Variants in SLC24A2 observed in about 807,000 individuals in gnomAD.
SLC24A2 encodes sodium/potassium/calcium exchanger 2.
Under a neutral mutation model 62.0 loss-of-function variants are expected in SLC24A2, and 36 were observed. The observed-to-expected ratio is 0.58, with a 90% CI of 0.44 to 0.77. SLC24A2 has a LOEUF of 0.77. Ranked by LOEUF, SLC24A2 falls within the 30% of genes least tolerant of loss-of-function variation. SLC24A2 has a pLI of 0.00. For synonymous variants in SLC24A2, 358 were observed against 294.0 expected (o/e 1.22, Z -2.23); for missense variants, 846 against 817.9 (o/e 1.03, Z -0.42).
chr9:19,999,638 T>G, the SLC24A2 span, among the ~76,000 whole-genome samples: 1 of 152,178 alleles, frequency 6.6e-6, no homozygotes, highest in Admixed American at 6.5e-5. Context: ...TCTAAATAGA[T>G]TTGTGTGACA....
At chr9:19,821,486 G>A in the SLC24A2 span, among the ~76,000 whole-genome samples, 7 of 152,026 alleles carry the variant, frequency 4.6e-5, no homozygotes, top group South Asian at 1.2e-3. Flanking sequence ...AGATACAAAC[G>A]AGAACAGGAC....
the SLC24A2 span, among the ~76,000 whole-genome samples, chr9:20,219,060 T>C: frequency 6.6e-6 from 1 of 152,222 alleles, no homozygotes; most frequent in Non-Finnish European, 1.5e-5. Flanking sequence ...TGTCATTGTA[T>C]GTGAGGGTGA....
chr9:19,729,925 A>T (rs1821286258), intron 2 of SLC24A2, among the ~76,000 whole-genome samples: 1 of 152,174 alleles, frequency 6.6e-6, no homozygotes, highest in African/African-American at 2.4e-5. Context: ...TATGTTAATT[A>T]CCCTGATCTG....
chr9:19,908,597 G>A, the SLC24A2 span, among the ~76,000 whole-genome samples: 2 of 152,198 alleles, frequency 1.3e-5, no homozygotes, highest in African/African-American at 2.4e-5. Flanking sequence ...CTGACAAAGG[G>A]CTAATATCCA....
At chr9:19,837,638 G>T in the SLC24A2 span, among the ~76,000 whole-genome samples, 8 of 152,204 alleles carry the variant, frequency 5.3e-5, no homozygotes, top group East Asian at 1.5e-3. Context: ...GTCCCTGTTT[G>T]CAGATGACAT....
chr9:20,267,792 T>G, the SLC24A2 span, among the ~76,000 whole-genome samples: 4 of 152,190 alleles, frequency 2.6e-5, no homozygotes, highest in Non-Finnish European at 5.9e-5. Flanking sequence ...ATTTCATGTG[T>G]CAAGTATCTA....
At chr9:20,256,288 G>T in the SLC24A2 span, among the ~76,000 whole-genome samples, 1 of 152,260 alleles carries the variant, frequency 6.6e-6, no homozygotes. Context: ...AAGACTAATG[G>T]CTTGAAAATA....
chr9:20,058,010 C>A, the SLC24A2 span, among the ~76,000 whole-genome samples: 3 of 152,052 alleles, frequency 2.0e-5, no homozygotes, highest in Non-Finnish European at 4.4e-5. Flanking sequence ...AACAAACAAA[C>A]AAACAAAAAA....
chr9:20,069,772 TG>T, the SLC24A2 span, among the ~76,000 whole-genome samples: 63 of 152,360 alleles, frequency 4.1e-4, no homozygotes, highest in African/African-American at 1.4e-3. Context: ...ACATTATATT[TG>T]TAAGATTCAT....
At chr9:20,285,530 G>A in the SLC24A2 span, among the ~76,000 whole-genome samples, 1 of 152,170 alleles carries the variant, frequency 6.6e-6, no homozygotes, top group African/African-American at 2.4e-5. Flanking sequence ...CTACTTGAGG[G>A]AGGGACAGGC....
the SLC24A2 span, among the ~76,000 whole-genome samples, chr9:19,983,039 C>T: frequency 6.6e-6 from 1 of 152,114 alleles, no homozygotes; most frequent in African/African-American, 2.4e-5. Flanking sequence ...TTATGAACAG[C>T]CACTGTTAAC....
At chr9:19,767,393 C>A (rs192653707) in intron 2 of SLC24A2, among the ~76,000 whole-genome samples, 2 of 152,138 alleles carry the variant, frequency 1.3e-5, no homozygotes, top group Non-Finnish European at 2.9e-5. Context: ...CCCAAATGGC[C>A]GTACAATTTT....
the SLC24A2 span, among the ~76,000 whole-genome samples, chr9:20,032,896 A>T: frequency 8.5e-5 from 13 of 152,314 alleles, no homozygotes; most frequent in South Asian, 1.5e-3. Context: ...CCTCATTCCC[A>T]GCGGCTGACC....
At chr9:19,936,105 C>A in the SLC24A2 span, among the ~76,000 whole-genome samples, 1 of 152,058 alleles carries the variant, frequency 6.6e-6, no homozygotes, top group African/African-American at 2.4e-5. Flanking sequence ...ATAAACGAGG[C>A]TGCCACCATA....
At chr9:19,877,888 C>T in the SLC24A2 span, among the ~76,000 whole-genome samples, 1 of 152,156 alleles carries the variant, frequency 6.6e-6, no homozygotes, top group Non-Finnish European at 1.5e-5. Flanking sequence ...CTGGTTCCAT[C>T]TTATTTTCTC....
the SLC24A2 span, among the ~76,000 whole-genome samples, chr9:19,819,652 A>G: frequency 6.6e-6 from 1 of 152,126 alleles, no homozygotes; most frequent in Non-Finnish European, 1.5e-5. Flanking sequence ...TCAAAACCAC[A>G]ATGTGATACC....
the SLC24A2 span, among the ~76,000 whole-genome samples, chr9:20,025,301 G>T: frequency 6.6e-6 from 1 of 151,974 alleles, no homozygotes; most frequent in Non-Finnish European, 1.5e-5. Flanking sequence ...CTAACACTTG[G>T]TCACTCAGTA....
the SLC24A2 span, among the ~76,000 whole-genome samples, chr9:19,836,535 T>C: frequency 1.6e-3 from 237 of 152,162 alleles, 3 homozygotes; most frequent in African/African-American, 5.0e-3. Context: ...CAGGAAGAAG[T>C]TGAATCTCTG....
In SLC24A2 at chr9:19,684,687, T is replaced by C. The variant is rs114479521; in HGVS notation, c.931-62388A>G. Reference sequence around the variant, plus strand: ...AGACAAATTGTGAAGAAAGTAGGTATATAAGAAACCTGGAAAACGCAACCC... The same window carrying C: ...AGACAAATTGTGAAGAAAGTAGGTACATAAGAAACCTGGAAAACGCAACCC... On this transcript the variant is annotated intron_variant, in intron 2 of 10. Transcript: ENST00000341998. 8.4e-3 allele frequency among the ~76,000 whole-genome samples: 1,241 copies of C among 148,204 alleles called. 24 individuals carry two copies. Among genetic ancestry groups the C allele is most frequent in the African/African-American group, 0.029 (1,178 of 40,874 alleles).
Sources: allele counts gnomAD v4.1 joint callset (sites outside exome capture counted in the v4.1 genomes callset), GRCh38; gene constraint gnomAD v4.1.1; transcripts MANE v1.5; gene names NCBI Gene and HGNC (gene_info 2026-07-23, HGNC 2026-07-21).